The following PSD3 variants were observed in gnomAD, a reference collection of about 807,000 sequenced individuals.
PSD3 encodes pleckstrin and Sec7 domain containing 3.
Under a neutral mutation model 105.5 loss-of-function variants are expected in PSD3, and 49 were observed. That is an observed-to-expected ratio of 0.46 (90% confidence interval 0.37 to 0.59). The LOEUF is 0.59. PSD3 is among the 20% of genes least tolerant of loss of function. PSD3 has a pLI of 0.00. For missense variants in PSD3, 1,561 were observed against 1,263.8 expected (o/e 1.24, Z -3.57); for synonymous variants, 557 against 457.8 (o/e 1.22, Z -2.77).
At chr8:18,592,232 T>G (rs1435833878) in intron 12 of PSD3, among the ~76,000 whole-genome samples, 1 of 151,932 alleles carries the variant, frequency 6.6e-6, no homozygotes, top group Non-Finnish European at 1.5e-5. Context: ...AAGAATATAG[T>G]AACTGAAATG....
At chr8:18,993,527 G>A (rs1825915419) in intron 1 of PSD3, among the ~76,000 whole-genome samples, 1 of 151,984 alleles carries the variant, frequency 6.6e-6, no homozygotes, top group Non-Finnish European at 1.5e-5. Flanking sequence ...ACAAGGTTTG[G>A]CAGATAGTAA....
At chr8:18,604,924 C>T (rs1804705707) in intron 11 of PSD3, among the ~76,000 whole-genome samples, 1 of 152,186 alleles carries the variant, frequency 6.6e-6, no homozygotes, top group African/African-American at 2.4e-5. Flanking sequence ...TGGGAGTCTC[C>T]ACCTAGATTT....
At chr8:18,542,649 C>T (rs1191103546) in intron 15 of PSD3, among the ~76,000 whole-genome samples, 1 of 152,012 alleles carries the variant, frequency 6.6e-6, no homozygotes, top group Non-Finnish European at 1.5e-5. Context: ...AATAATGAGC[C>T]CATGGAAAGC....
intron 1 of PSD3, among the ~76,000 whole-genome samples, chr8:18,961,426 C>A (rs147227359): frequency 1.8e-3 from 272 of 152,306 alleles, no homozygotes; most frequent in Non-Finnish European, 3.1e-3. Flanking sequence ...CGGTGGCTCA[C>A]GCCTATAATC....
In PSD3 at chr8:18,872,647, G is replaced by A. The variant is rs1817467621; in HGVS notation, c.217C>T (p.Leu73=). The A allele has an allele frequency of 5.0e-6, 8 of 1,612,840 alleles. No homozygotes were observed. In the East Asian group the frequency reaches 1.6e-4, roughly 31 times the overall value. Residue 73 remains leucine (L), a synonymous_variant, in exon 3 of 16, where the codon CTA becomes TTA. Coordinates refer to ENST00000327040, the MANE Select transcript of PSD3 (RefSeq NM_015310.4). The part of the protein sequence containing the change: ...YGTMEEGGEG[L]RASLEFDGEA... ...CCATCAAATTCCAGAGAAGCCCTTA[G>A]GCCTTCTCCACCTTCCTCCATGGTC...
At chr8:19,033,629 C>T (rs1426476933) in intron 1 of PSD3, among the ~76,000 whole-genome samples, 2 of 151,022 alleles carry the variant, frequency 1.3e-5, no homozygotes, top group Non-Finnish European at 2.9e-5. Flanking sequence ...CTCATTTTCT[C>T]ATTCCCTTTT....
chr8:18,581,823 T>C (rs1475953030), intron 12 of PSD3, among the ~76,000 whole-genome samples: 1 of 152,116 alleles, frequency 6.6e-6, no homozygotes, highest in Non-Finnish European at 1.5e-5. Flanking sequence ...TGACATTTTG[T>C]AAAGGGATCT....
At chr8:18,955,451 T>C (rs56313137) in intron 1 of PSD3, among the ~76,000 whole-genome samples, 59,624 of 152,032 alleles carry the variant, frequency 0.39, 11,880 homozygotes, top group Non-Finnish European at 0.41. Context: ...ATTTTCATTT[T>C]GGTTACATAT....
At chr8:19,012,694 C>T (rs1827009605) in intron 1 of PSD3, among the ~76,000 whole-genome samples, 1 of 152,196 alleles carries the variant, frequency 6.6e-6, no homozygotes, top group African/African-American at 2.4e-5. Context: ...TTTGCAAAAT[C>T]CTTTGCACAT....
At chr8:18,663,819 C>T (rs1809529312) in intron 9 of PSD3, among the ~76,000 whole-genome samples, 1 of 152,338 alleles carries the variant, frequency 6.6e-6, no homozygotes. Flanking sequence ...TGCTTTACAA[C>T]TTGAAGGTTT....
At chr8:18,857,513 C>T (rs150135270) in intron 4 of PSD3, among the ~76,000 whole-genome samples, 4 of 152,306 alleles carry the variant, frequency 2.6e-5, no homozygotes, top group African/African-American at 9.6e-5. Context: ...GCCACTCTAA[C>T]AAATAGAATC....
At chr8:18,717,930 T>C (rs1194718765) in intron 9 of PSD3, among the ~76,000 whole-genome samples, 1 of 152,232 alleles carries the variant, frequency 6.6e-6, no homozygotes, top group Non-Finnish European at 1.5e-5. Context: ...TTAGACTAAA[T>C]GCTGAAGCTG....
intron 12 of PSD3, among the ~76,000 whole-genome samples, chr8:18,576,034 C>T (rs956426873): frequency 1.3e-5 from 2 of 152,130 alleles, no homozygotes; most frequent in African/African-American, 2.4e-5. Flanking sequence ...CGAACACACA[C>T]ACCACATCAC....
chr8:18,722,194 G>A (rs1803027689), intron 9 of PSD3, among the ~76,000 whole-genome samples: 1 of 151,914 alleles, frequency 6.6e-6, no homozygotes, highest in Non-Finnish European at 1.5e-5. Flanking sequence ...CTACCCACAA[G>A]GAGGTGGGAG....
chr8:18,677,877 G>A (rs1800150983), intron 9 of PSD3, among the ~76,000 whole-genome samples: 1 of 152,042 alleles, frequency 6.6e-6, no homozygotes, highest in Admixed American at 6.5e-5. Context: ...AGGCGTGGTG[G>A]CGGGTGCCTG....
rs1174648004 is a variant in PSD3 at position 18,752,642 on chromosome 8, AAT to A, written c.2172+12805_2172+12806del. 2.1e-4 allele frequency among the ~76,000 whole-genome samples: 19 copies of A among 89,286 alleles called. No individual in the cohort carries two copies. The East Asian group carries it at 3.2e-3, about 15-fold the overall frequency. 58.6% of individuals were successfully genotyped at this position (89,286 alleles called of 152,430 possible). On this transcript the variant is annotated intron_variant, in intron 9 of 15. Coordinates refer to ENST00000327040, the MANE Select transcript of PSD3 (RefSeq NM_015310.4). ...AATATATATTATATATAATATATAT[AAT>A]ATATATAATATATTATATTTGATAT... is the stretch of plus-strand genomic sequence containing the variant.
At chr8:18,743,104 T>G (rs1229840814) in intron 9 of PSD3, among the ~76,000 whole-genome samples, 2 of 152,242 alleles carry the variant, frequency 1.3e-5, no homozygotes, top group African/African-American at 4.8e-5. Context: ...CTATGCATAC[T>G]TCTTCAACTG....
rs561273041 is a variant in PSD3, at chr8:18,647,714, C to T, written c.2216+7928G>A. On this transcript the variant is annotated intron_variant, in intron 10 of 15. Coordinates refer to ENST00000327040, the MANE Select transcript of PSD3 (RefSeq NM_015310.4). Reference sequence around the variant, plus strand: ...TTTGGTTTGGATCTGTGTCCCCGCTCAAATTTCATGCTGGATTGTAATCCC... The same window carrying T: ...TTTGGTTTGGATCTGTGTCCCCGCTTAAATTTCATGCTGGATTGTAATCCC... Among the ~76,000 whole-genome samples, 4 of 149,138 alleles carry T rather than the reference C, an allele frequency of 2.7e-5. No individual in the cohort carries two copies. The East Asian group carries it at 8.0e-4, about 30-fold the overall frequency.
intron 1 of PSD3, chr8:19,084,070 G>A (rs989601617): frequency 3.5e-5 from 12 of 345,570 alleles, no homozygotes; most frequent in African/African-American, 8.6e-5. Flanking sequence ...GCTGCGGCTC[G>A]TGGGTACCTC....
Sources: gnomAD v4.1 joint callset for allele counts (sites outside exome capture counted in the v4.1 genomes callset) on GRCh38, gnomAD v4.1.1 for gene constraint, MANE v1.5 for transcripts, NCBI Gene and HGNC (gene_info 2026-07-23, HGNC 2026-07-21) for gene names.